CHN2: variants seen among roughly 807,000 people sequenced by gnomAD.
CHN2 encodes beta-chimaerin.
In CHN2, 35 loss-of-function variants were observed where a neutral mutation model predicts 56.3. That is an observed-to-expected ratio of 0.62 (90% CI 0.47 to 0.82). The LOEUF (loss-of-function observed/expected upper bound fraction) is 0.82. Among genes scored for constraint, CHN2 ranks in the 40% least tolerant of loss-of-function variants. The pLI, the probability that CHN2 is intolerant of heterozygous loss-of-function variation, is 0.00. For synonymous variants in CHN2, 210 were observed against 212.8 expected, an observed-to-expected ratio of 0.99 and a Z score of 0.12; for missense variants, 491 against 580.5, an observed-to-expected ratio of 0.85 and a Z score of 1.58.
chr7:29,261,910 G>A (rs555649280), intron 1 of CHN2, among the ~76,000 whole-genome samples: 1 of 152,370 alleles, frequency 6.6e-6, no homozygotes, highest in African/African-American at 2.4e-5. Context: ...GGTTACACCT[G>A]TAATCCAAGC....
At chr7:29,178,076 T>C (rs141980673) in intron 2 of CHN2, among the ~76,000 whole-genome samples, 3 of 152,286 alleles carry the variant, frequency 2.0e-5, no homozygotes, top group Non-Finnish European at 4.4e-5. Context: ...TCAGCAAGTG[T>C]TGTCAGATTC....
chr7:29,452,334 G>T (rs1161576302), intron 6 of CHN2, among the ~76,000 whole-genome samples: 2 of 152,116 alleles, frequency 1.3e-5, no homozygotes, highest in Admixed American at 1.3e-4. Flanking sequence ...GGAAGGGAAG[G>T]GTCTAGAGCG....
At chr7:29,491,145 A>G (rs896754376) in intron 7 of CHN2, among the ~76,000 whole-genome samples, 4 of 152,032 alleles carry the variant, frequency 2.6e-5, no homozygotes, top group African/African-American at 4.8e-5. Context: ...TATTTGCTCT[A>G]TTTTGGGTTT....
intron 6 of CHN2, among the ~76,000 whole-genome samples, chr7:29,414,950 T>A (rs1803580227): frequency 6.6e-6 from 1 of 152,192 alleles, no homozygotes; most frequent in Non-Finnish European, 1.5e-5. Flanking sequence ...CCTGCCTTGG[T>A]TATACCTTCA....
At chr7:29,321,057 T>C (rs1795305575) in intron 1 of CHN2, among the ~76,000 whole-genome samples, 1 of 152,250 alleles carries the variant, frequency 6.6e-6, no homozygotes. Flanking sequence ...CACTATTTAT[T>C]TTACAAAACG....
At chr7:29,303,691 A>G (rs1793908637) in intron 1 of CHN2, among the ~76,000 whole-genome samples, 1 of 152,226 alleles carries the variant, frequency 6.6e-6, no homozygotes, top group African/African-American at 2.4e-5. Flanking sequence ...AAATCATGCC[A>G]GGGCTCAAGA....
chr7:29,322,669 A>G (rs777348687), intron 1 of CHN2, among the ~76,000 whole-genome samples: 1 of 152,208 alleles, frequency 6.6e-6, no homozygotes, highest in Non-Finnish European at 1.5e-5. Flanking sequence ...TCAGCTGGTC[A>G]TATGAAGTCC....
upstream of CHN2, chr7:29,194,755 G>A: frequency 2.2e-6 from 1 of 455,634 alleles, no homozygotes; most frequent in Non-Finnish European, 3.7e-6. Context: ...ATAAATAGCG[G>A]CGGCGGCAGC....
chr7:29,377,985 G>A (rs1158169945), intron 3 of CHN2, among the ~76,000 whole-genome samples: 1 of 152,136 alleles, frequency 6.6e-6, no homozygotes, highest in African/African-American at 2.4e-5. Flanking sequence ...ATTACACATC[G>A]ATTGTTTGAT....
rs1380090529 is a variant in CHN2 at position 29,512,542 on chromosome 7, G to GTTCTATATGTTTGTTTT, written c.1236-21_1236-5dup. 4.4e-6 allele frequency: 7 copies of GTTCTATATGTTTGTTTT among 1,602,230 alleles called. No homozygotes were observed. In the East Asian group the frequency reaches 1.6e-4, roughly 36 times the overall value. Reference sequence around the variant, plus strand: ...ATCCTCAAGTCTCCATAATGTCTCTGTTCTATATGTTTGTTTTGCAGGGTT... The same window carrying GTTCTATATGTTTGTTTT: ...ATCCTCAAGTCTCCATAATGTCTCTGTTCTATATGTTTGTTTTTTCTATATGTTTGTTTTGCAGGGTT... On this transcript the variant is annotated intron_variant, in intron 12 of 12. Transcript: ENST00000222792.
chr7:29,179,470 C>A (rs1797792867), intron 2 of CHN2, among the ~76,000 whole-genome samples: 1 of 152,160 alleles, frequency 6.6e-6, no homozygotes, highest in Non-Finnish European at 1.5e-5. Flanking sequence ...CTCTCAGATG[C>A]TAGAAAATCC....
chr7:29,222,641 T>C (rs1032703965), intron 1 of CHN2, among the ~76,000 whole-genome samples: 2 of 152,204 alleles, frequency 1.3e-5, no homozygotes, highest in African/African-American at 4.8e-5. Flanking sequence ...GATATAATCA[T>C]GTGCCTGGAT....
chr7:29,361,605 C>G (rs749498486), intron 2 of CHN2, among the ~76,000 whole-genome samples: 4 of 152,190 alleles, frequency 2.6e-5, no homozygotes, highest in Admixed American at 1.3e-4. Flanking sequence ...TCCAAGTCGC[C>G]CCTGGCTGGG....
chr7:29,260,530 G>A (rs1789451085), intron 1 of CHN2, among the ~76,000 whole-genome samples: 1 of 152,066 alleles, frequency 6.6e-6, no homozygotes, highest in Non-Finnish European at 1.5e-5. Flanking sequence ...TCTGGAGAAG[G>A]GGTGGCCATG....
chr7:29,461,766 T>C (rs1287593094), intron 6 of CHN2, among the ~76,000 whole-genome samples: 1 of 152,120 alleles, frequency 6.6e-6, no homozygotes, highest in Non-Finnish European at 1.5e-5. Flanking sequence ...AATTGTCCAC[T>C]TAATGTTGCT....
chr7:29,457,638 T>C (rs1460673113), intron 6 of CHN2, among the ~76,000 whole-genome samples: 1 of 152,238 alleles, frequency 6.6e-6, no homozygotes, highest in Non-Finnish European at 1.5e-5. Flanking sequence ...AGCAAGTCTC[T>C]GGCCTTGGAG....
intron 7 of CHN2, among the ~76,000 whole-genome samples, chr7:29,488,453 A>G (rs896716272): frequency 2.0e-5 from 3 of 152,140 alleles, no homozygotes; most frequent in African/African-American, 7.2e-5. Context: ...CAAACACTAG[A>G]CTAGACCTCC....
chr7:29,377,096 C>T (rs1324850897), intron 3 of CHN2, among the ~76,000 whole-genome samples: 1 of 152,174 alleles, frequency 6.6e-6, no homozygotes, highest in Non-Finnish European at 1.5e-5. Context: ...AGCATGATCT[C>T]GGCTCACTGC....
intron 2 of CHN2, among the ~76,000 whole-genome samples, chr7:29,186,820 G>A (rs912941891): frequency 6.6e-6 from 1 of 152,036 alleles, no homozygotes; most frequent in Non-Finnish European, 1.5e-5. Context: ...TCAGCCAAAG[G>A]TGGGTTCAAA....
Sources: gnomAD v4.1 joint callset for allele counts (sites outside exome capture counted in the v4.1 genomes callset) on GRCh38, gnomAD v4.1.1 for gene constraint, MANE v1.5 for transcripts, NCBI Gene and HGNC (gene_info 2026-07-23, HGNC 2026-07-21) for gene names.